Variants in HSDL2 observed in about 807,000 individuals in gnomAD.
HSDL2 encodes the protein hydroxysteroid dehydrogenase-like protein 2.
Under a neutral mutation model 46.3 loss-of-function variants are expected in HSDL2, and 27 were observed. That is an observed-to-expected ratio of 0.58 (90% CI 0.43 to 0.80). The LOEUF (loss-of-function observed/expected upper bound fraction) is 0.80. HSDL2 is among the 30% of genes least tolerant of loss of function. The pLI is 0.00. For missense variants in HSDL2, 451 were observed against 502.7 expected, an observed-to-expected ratio of 0.90 and a Z score of 0.98; for synonymous variants, 153 against 163.6, an observed-to-expected ratio of 0.94 and a Z score of 0.50.
intron 8 of HSDL2, among the ~76,000 whole-genome samples, chr9:112,442,983 A>G (rs1478544598): frequency 6.6e-6 from 1 of 152,198 alleles, no homozygotes; most frequent in South Asian, 2.1e-4. Context: ...AATAGAAAGG[A>G]AAATAGTTAC....
At chr9:112,436,668 T>A (rs1188405185) in intron 6 of HSDL2, among the ~76,000 whole-genome samples, 1 of 152,150 alleles carries the variant, frequency 6.6e-6, no homozygotes, top group Non-Finnish European at 1.5e-5. Flanking sequence ...TGACTTTCTG[T>A]GAACCTATGA....
intron 1 of HSDL2, among the ~76,000 whole-genome samples, chr9:112,381,088 T>TACACACACAC (rs111459650): frequency 0.066 from 8,809 of 134,110 alleles, 306 homozygotes; most frequent in East Asian, 0.15. Context: ...TACATCCGGA[T>TACACACACAC]ACACACACAC....
intron 9 of HSDL2, among the ~76,000 whole-genome samples, chr9:112,457,239 T>TA (rs1306515840): frequency 5.3e-5 from 8 of 151,830 alleles, no homozygotes; most frequent in African/African-American, 1.9e-4. Context: ...TCAAGAAAAA[T>TA]AAAGTTCACA....
At chr9:112,439,815 C>T (rs1307676451) in intron 7 of HSDL2, among the ~76,000 whole-genome samples, 2 of 152,256 alleles carry the variant, frequency 1.3e-5, no homozygotes, top group African/African-American at 2.4e-5. Flanking sequence ...AACCCAGCTT[C>T]ATATTGCAGC....
rs1254318944 is a variant in HSDL2 at position 112,418,853 on chromosome 9, C to T, written c.500-7C>T. The T allele has an allele frequency of 2.0e-6, 3 of 1,482,902 alleles. No individual in the cohort carries two copies. The highest frequency in any genetic ancestry group is 2.0e-5 in the Admixed American group (1 of 50,052). 91.9% of individuals were successfully genotyped at this position (1,482,902 alleles called of 1,614,324 possible). Reference sequence around the variant, plus strand: ...AATTAAATTATTATTTTTTGTGGTTCTTTCAGCTTATACCATTGCTAAGTA... The same window carrying T: ...AATTAAATTATTATTTTTTGTGGTTTTTTCAGCTTATACCATTGCTAAGTA... On this transcript the variant is annotated splice_region_variant and splice_polypyrimidine_tract_variant and intron_variant, in intron 5 of 10. Coordinates refer to ENST00000398805, the MANE Select transcript of HSDL2 (RefSeq NM_032303.5).
At chr9:112,428,510 T>A (rs868561022) in intron 6 of HSDL2, among the ~76,000 whole-genome samples, 7 of 152,240 alleles carry the variant, frequency 4.6e-5, no homozygotes, top group African/African-American at 1.2e-4. Flanking sequence ...AGGCATGAAA[T>A]CAATTTAGTG....
At chr9:112,452,708 T>C (rs1226048922) in intron 8 of HSDL2, among the ~76,000 whole-genome samples, 1 of 152,148 alleles carries the variant, frequency 6.6e-6, no homozygotes, top group African/African-American at 2.4e-5. Context: ...ATCAAGCCAC[T>C]GCACTCCAGC....
chr9:112,410,675 C>T (rs1831840614), intron 4 of HSDL2, among the ~76,000 whole-genome samples: 1 of 45,310 alleles, frequency 2.2e-5, no homozygotes, highest in Non-Finnish European at 5.3e-5. Context: ...GCTTGTAATC[C>T]CAGCACTTTG....
intron 8 of HSDL2, among the ~76,000 whole-genome samples, chr9:112,450,785 G>GT (rs1832868040): frequency 6.6e-6 from 1 of 151,916 alleles, no homozygotes; most frequent in South Asian, 2.1e-4. Flanking sequence ...TATTTTACCA[G>GT]TAGGTTCATA....
At chr9:112,429,814 A>G (rs1441649136) in intron 6 of HSDL2, among the ~76,000 whole-genome samples, 2 of 152,218 alleles carry the variant, frequency 1.3e-5, no homozygotes, top group Admixed American at 1.3e-4. Flanking sequence ...GCATTAGGCC[A>G]GGAGTGTTGG....
chr9:112,454,921 G>T (rs540447437), intron 9 of HSDL2, among the ~76,000 whole-genome samples: 1 of 151,934 alleles, frequency 6.6e-6, no homozygotes, highest in Admixed American at 6.6e-5. Flanking sequence ...GCCCAGGCTG[G>T]TCTCAAACTC....
At chr9:112,470,375 A>C in intron 10 of HSDL2, 57 bp from the exon 11 acceptor site, 1 of 1,008,202 alleles carries the variant, frequency 9.9e-7, no homozygotes, top group Non-Finnish European at 1.5e-6. Context: ...TTCTTAAAGC[A>C]ATATATCCCT....
chr9:112,451,483 T>C (rs1832884578), intron 8 of HSDL2, among the ~76,000 whole-genome samples: 1 of 152,256 alleles, frequency 6.6e-6, no homozygotes, highest in South Asian at 2.1e-4. Context: ...TGTATGTATT[T>C]ACATATTCAG....
intron 8 of HSDL2, among the ~76,000 whole-genome samples, chr9:112,453,409 TTGAGA>T (rs1473824416): frequency 4.4e-4 from 67 of 152,332 alleles, no homozygotes; most frequent in Non-Finnish European, 4.4e-5. Flanking sequence ...ATTTATTTTT[TTGAGA>T]CAGGGTCTCC....
At position 112,441,604 on chromosome 9, in the gene HSDL2, G is replaced by T. The variant is rs372535948; in HGVS notation, c.794-95G>T. 64 of 775,318 alleles carry T rather than the reference G, an allele frequency of 8.3e-5. 2 individuals are homozygous for T. The highest frequency in any genetic ancestry group is 6.6e-4 in the East Asian group (24 of 36,204). 48.0% of individuals were successfully genotyped at this position (775,318 alleles called of 1,614,324 possible). On this transcript the variant is annotated intron_variant, in intron 7 of 10. Transcript: ENST00000398805. ...GAGGCCTTTTCTTTTGCACCAGAAA[G>T]ATTTTTAATAAAATAGATATGTTTA... is the stretch of plus-strand genomic sequence containing the variant.
chr9:112,427,796 T>C (rs1832286288), intron 6 of HSDL2, among the ~76,000 whole-genome samples: 2 of 152,204 alleles, frequency 1.3e-5, no homozygotes. Flanking sequence ...TTATTCCCAT[T>C]CTTCTTTCTT....
At chr9:112,413,523 C>A (rs978643275) in intron 4 of HSDL2, among the ~76,000 whole-genome samples, 8 of 151,780 alleles carry the variant, frequency 5.3e-5, no homozygotes, top group Non-Finnish European at 7.4e-5. Flanking sequence ...AGAAATATTT[C>A]TATTTTATTT....
chr9:112,388,492 TG>T (rs1387567304), intron 1 of HSDL2, among the ~76,000 whole-genome samples: 1 of 144,442 alleles, frequency 6.9e-6, no homozygotes, highest in Non-Finnish European at 1.5e-5. Context: ...ACGCCAGGTG[TG>T]GTGGCTTACA....
chr9:112,403,691 T>C (rs1239780611), intron 1 of HSDL2, among the ~76,000 whole-genome samples: 1 of 151,416 alleles, frequency 6.6e-6, no homozygotes, highest in Non-Finnish European at 1.5e-5. Flanking sequence ...GGGAAAAAAA[T>C]GCATGTTTAT....
Sources: gnomAD v4.1 joint callset for allele counts (sites outside exome capture counted in the v4.1 genomes callset) on GRCh38, gnomAD v4.1.1 for gene constraint, MANE v1.5 for transcripts, NCBI Gene and HGNC (gene_info 2026-07-23, HGNC 2026-07-21) for gene names.